CD82: variants seen among roughly 807,000 people sequenced by gnomAD.
The protein encoded by CD82 is CD82 molecule, also known as CD82 antigen.
Under a neutral mutation model 37.4 loss-of-function variants are expected in CD82, and 36 were observed. The ratio of observed to expected loss-of-function variants is 0.96; its 90% CI spans 0.74 to 1.27. The LOEUF is 1.27. CD82 is among the 50% of genes most tolerant of loss of function. The probability of loss-of-function intolerance (pLI) is 0.00; values close to 1 mark genes in which losing one functional copy is unlikely to be tolerated. For missense variants in CD82, 340 were observed against 347.0 expected (o/e 0.98, Z 0.16); for synonymous variants, 158 against 137.4 (o/e 1.15, Z -1.05).
intron 4 of CD82, 47 bp from the exon 5 acceptor site, chr11:44,605,011 T>C (rs1853367550): frequency 6.2e-7 from 1 of 1,613,738 alleles, no homozygotes; most frequent in South Asian, 1.1e-5. Context: ...AGGCCAGGTG[T>C]TTATACCTGC....
At chr11:44,589,829 T>G (rs1212617721) in intron 2 of CD82, among the ~76,000 whole-genome samples, 1 of 152,218 alleles carries the variant, frequency 6.6e-6, no homozygotes. Flanking sequence ...TGACCCTTGC[T>G]GCCTCTTCGT....
chr11:44,603,277 T>C (rs1286434216), intron 4 of CD82, among the ~76,000 whole-genome samples: 1 of 152,150 alleles, frequency 6.6e-6, no homozygotes, highest in Non-Finnish European at 1.5e-5. Flanking sequence ...CTTCCTGAGC[T>C]CCAGAACATT....
In CD82 at chr11:44,619,377, A is replaced by C; in HGVS notation, c.*251A>C. ...GGTTCTCTTAGCAACTCAGAGAAAA[A>C]TGCTCCCCACAGCGTCCCTGGCGCA... On this transcript the variant is annotated 3_prime_UTR_variant, in exon 10 of 10. Coordinates refer to ENST00000227155, the MANE Select transcript of CD82 (RefSeq NM_002231.4). 2 of 507,436 alleles carry C rather than the reference A, an allele frequency of 3.9e-6. No individual in the cohort carries two copies. Among genetic ancestry groups the C allele is most frequent in the East Asian group, 3.4e-5 (1 of 29,540 alleles). 31.4% of individuals were successfully genotyped at this position (507,436 alleles called of 1,614,324 possible). A position where few individuals can be genotyped will look rare whatever the true frequency, so the allele number is the denominator to read the frequency against.
rs574605843 is a variant in CD82 at position 44,602,851 on chromosome 11, G to A, written c.137-2207G>A. 2.8e-3 allele frequency among the ~76,000 whole-genome samples: 427 copies of A among 152,220 alleles called. 1 individual carries two copies. Among genetic ancestry groups the A allele is most frequent in the Non-Finnish European group, 4.7e-3 (317 of 67,998 alleles). The stretch of plus-strand genomic sequence containing the variant: ...ACCTCGCAGTTTGTCTGGTCTCCCA[G>A]GGGAAGGATCTGAGTTGGGGTCTCA... On this transcript the variant is annotated intron_variant, in intron 4 of 9. Transcript: ENST00000227155.
upstream of CD82, among the ~76,000 whole-genome samples, chr11:44,564,935 A>G (rs1852705789): frequency 6.6e-6 from 1 of 152,246 alleles, no homozygotes; most frequent in African/African-American, 2.4e-5. Context: ...TGGGAATTCA[A>G]GGGCTAGAAC....
At position 44,612,593 on chromosome 11, in the gene CD82, G is replaced by A. The variant is rs112152531; in HGVS notation, c.337-2679G>A. The stretch of plus-strand genomic sequence containing the variant: ...AGCTTTATTGAGAGAAGGGCAGGGA[G>A]CGTCATCAGAGGCTGGTTTCCCAGC... On this transcript the variant is annotated intron_variant, in intron 6 of 9. Coordinates refer to ENST00000227155, the MANE Select transcript of CD82 (RefSeq NM_002231.4). 1.7e-3 allele frequency among the ~76,000 whole-genome samples: 252 copies of A among 144,668 alleles called. 1 individual carries two copies. Among genetic ancestry groups the A allele is most frequent in the African/African-American group, 6.3e-3 (243 of 38,308 alleles). 94.9% of individuals were successfully genotyped at this position (144,668 alleles called of 152,430 possible).
chr11:44,618,506 A>G (rs1853602445), intron 8 of CD82, 134 bp from the exon 9 acceptor site: 2 of 1,054,670 alleles, frequency 1.9e-6, no homozygotes, highest in South Asian at 1.4e-5. Flanking sequence ...TTCTTTGTTA[A>G]TGTATTTATT....
chr11:44,584,053 T>C (rs1853018752), intron 1 of CD82, among the ~76,000 whole-genome samples: 2 of 152,184 alleles, frequency 1.3e-5, no homozygotes, highest in Non-Finnish European at 2.9e-5. Context: ...TCTTCCCACC[T>C]TGGTGGTGGT....
intron 1 of CD82, among the ~76,000 whole-genome samples, chr11:44,575,338 C>T (rs565101118): frequency 6.6e-6 from 1 of 152,330 alleles, no homozygotes; most frequent in Middle Eastern, 3.4e-3. Flanking sequence ...AATGACCTCT[C>T]CCCACAGTGA....
intron 3 of CD82, among the ~76,000 whole-genome samples, chr11:44,595,939 A>C (rs2134658411): frequency 6.6e-6 from 1 of 150,930 alleles, no homozygotes; most frequent in African/African-American, 2.4e-5. Context: ...AAAGAATTTT[A>C]AAAATTCCCC....
upstream of CD82, chr11:44,565,626 C>T (rs961922284): frequency 7.3e-5 from 11 of 151,130 alleles, no homozygotes; most frequent in African/African-American, 2.7e-4. Context: ...CGGCTGCAGC[C>T]GGGAGGGGGC....
intron 6 of CD82, among the ~76,000 whole-genome samples, chr11:44,610,744 G>C (rs1853468843): frequency 6.6e-6 from 1 of 152,222 alleles, no homozygotes; most frequent in Non-Finnish European, 1.5e-5. Flanking sequence ...AAATGGGGAG[G>C]AGGGAGACAG....
intron 6 of CD82, among the ~76,000 whole-genome samples, chr11:44,608,674 G>A (rs1853434529): frequency 6.6e-6 from 1 of 152,250 alleles, no homozygotes. Context: ...AGTAGCATTT[G>A]CAACTAATTT....
rs2303864 is a variant in CD82 at position 44,615,298 on chromosome 11, G to A, written c.363G>A (p.Val121=). 2.9e-3 allele frequency: 4,616 copies of A among 1,613,336 alleles called. 89 individuals are homozygous for A. The East Asian group carries it at 0.055, about 19-fold the overall frequency. The part of the protein sequence containing the change: ...GKLKQEMGGI[V]TELIRDYNSS... ...TGAAGCAGGAGATGGGCGGCATCGT[G>A]ACTGAGCTCATTCGAGACTACAACA... The change falls in exon 7 of 10, where the codon GTG becomes GTA. Residue 121 remains valine (V), a synonymous_variant. Transcript: ENST00000227155.
At chr11:44,591,880 C>A (rs543156628) in intron 2 of CD82, among the ~76,000 whole-genome samples, 1 of 151,988 alleles carries the variant, frequency 6.6e-6, no homozygotes, top group Non-Finnish European at 1.5e-5. Context: ...AGTGCAGTGG[C>A]GCAATCTCAG....
At chr11:44,607,834 ACT>A (rs929429358) in intron 6 of CD82, among the ~76,000 whole-genome samples, 1 of 152,044 alleles carries the variant, frequency 6.6e-6, no homozygotes, top group African/African-American at 2.4e-5. Context: ...CGGCTGGGTA[ACT>A]CTGCTTGGCT....
intron 1 of CD82, among the ~76,000 whole-genome samples, chr11:44,571,589 T>A (rs953205886): frequency 2.6e-5 from 4 of 152,166 alleles, no homozygotes; most frequent in African/African-American, 9.7e-5. Context: ...TTTTATTTTT[T>A]TTTGAGACAG....
At chr11:44,605,987 A>C (rs2134675786) in intron 6 of CD82, among the ~76,000 whole-genome samples, 2 of 152,330 alleles carry the variant, frequency 1.3e-5, no homozygotes. Context: ...CAGCGGCTTA[A>C]AGTTGAAGGA....
intron 1 of CD82, chr11:44,566,045 A>AAGGTGAGAGCTGGC (rs1852730281): frequency 7.1e-6 from 1 of 139,878 alleles, no homozygotes; most frequent in Admixed American, 7.3e-5. Context: ...AAAACGCCGG[A>AAGGTGAGAGCTGGC]AGGTGAGAGC....
Sources: gnomAD v4.1 joint callset for allele counts (sites outside exome capture counted in the v4.1 genomes callset) on GRCh38, gnomAD v4.1.1 for gene constraint, MANE v1.5 for transcripts, NCBI Gene and HGNC (gene_info 2026-07-23, HGNC 2026-07-21) for gene names.